The following TMEM132D variants were observed in gnomAD, a reference collection of about 807,000 sequenced individuals.
The protein encoded by TMEM132D is mature OL transmembrane protein.
In TMEM132D, 21 loss-of-function variants were observed where a neutral mutation model predicts 62.3. That is an observed-to-expected ratio of 0.34 (90% CI 0.24 to 0.49). The LOEUF (loss-of-function observed/expected upper bound fraction) is 0.49, where lower values mean the gene tolerates loss of function less well. TMEM132D is among the 20% of genes least tolerant of loss of function. The pLI is 0.99. For synonymous variants in TMEM132D, 621 were observed against 575.6 expected, an observed-to-expected ratio of 1.08 and a Z score of -1.13; for missense variants, 1,346 against 1,402.8, an observed-to-expected ratio of 0.96 and a Z score of 0.65.
At chr12:129,460,373 G>A (rs1287804366) in intron 3 of TMEM132D, among the ~76,000 whole-genome samples, 2 of 152,152 alleles carry the variant, frequency 1.3e-5, no homozygotes, top group Non-Finnish European at 2.9e-5. Context: ...ATTTGAAAAA[G>A]CGGATAAGGT....
chr12:129,325,392 C>T (rs1272120369), intron 4 of TMEM132D, among the ~76,000 whole-genome samples: 5 of 152,126 alleles, frequency 3.3e-5, no homozygotes, highest in Non-Finnish European at 7.3e-5. Flanking sequence ...GGATTTTGTG[C>T]GCCATGATCT....
chr12:129,320,130 G>T (rs991358341), intron 4 of TMEM132D, among the ~76,000 whole-genome samples: 5 of 152,134 alleles, frequency 3.3e-5, no homozygotes, highest in African/African-American at 1.2e-4. Context: ...GTTGGCTGGG[G>T]TTAATCAAAA....
At chr12:129,786,940 GAGAAA>G (rs1871262596) in intron 1 of TMEM132D, among the ~76,000 whole-genome samples, 1 of 152,042 alleles carries the variant, frequency 6.6e-6, no homozygotes, top group African/African-American at 2.4e-5. Flanking sequence ...AAAGCATGAA[GAGAAA>G]CAGTGACAGC....
At chr12:129,794,078 T>G (rs1035182892) in intron 1 of TMEM132D, among the ~76,000 whole-genome samples, 17 of 31,792 alleles carry the variant, frequency 5.3e-4, no homozygotes, top group Non-Finnish European at 2.7e-3. Flanking sequence ...GTGTATGGGT[T>G]TTTTTTTTTC....
intron 3 of TMEM132D, among the ~76,000 whole-genome samples, chr12:129,390,197 C>T (rs955550501): frequency 5.9e-5 from 9 of 152,318 alleles, no homozygotes; most frequent in African/African-American, 2.2e-4. Flanking sequence ...TGACCTTGGC[C>T]CACGGGCCAG....
intron 5 of TMEM132D, among the ~76,000 whole-genome samples, chr12:129,093,804 C>A (rs1337561243): frequency 1.3e-5 from 2 of 152,074 alleles, no homozygotes; most frequent in Non-Finnish European, 2.9e-5. Flanking sequence ...GCTACAGTAA[C>A]CAAAACAGCA....
intron 3 of TMEM132D, among the ~76,000 whole-genome samples, chr12:129,421,458 T>C (rs539824742): frequency 6.6e-5 from 10 of 152,342 alleles, no homozygotes; most frequent in East Asian, 1.9e-4. Context: ...TCGCACCCCA[T>C]GGGGGAGCAT....
At chr12:129,778,037 C>G (rs1162005516) in intron 1 of TMEM132D, among the ~76,000 whole-genome samples, 1 of 150,062 alleles carries the variant, frequency 6.7e-6, no homozygotes, top group Non-Finnish European at 1.5e-5. Flanking sequence ...ATCACTTGAA[C>G]CCAGGAGGTC....
At chr12:129,172,922 GA>G (rs1193981504) in intron 5 of TMEM132D, among the ~76,000 whole-genome samples, 1 of 152,152 alleles carries the variant, frequency 6.6e-6, no homozygotes, top group African/African-American at 2.4e-5. Flanking sequence ...CAGGCCCGAG[GA>G]GAGGGAAAAT....
intron 1 of TMEM132D, among the ~76,000 whole-genome samples, chr12:129,726,109 G>A (rs10773698): frequency 0.82 from 124,234 of 152,196 alleles, 51,399 homozygotes; most frequent in Non-Finnish European, 0.9. Flanking sequence ...ACTCATTGCT[G>A]GAAGAATTAA....
At chr12:129,380,809 G>C (rs1431690678) in intron 3 of TMEM132D, among the ~76,000 whole-genome samples, 1 of 152,066 alleles carries the variant, frequency 6.6e-6, no homozygotes, top group Admixed American at 6.6e-5. Context: ...TACGTAAGTG[G>C]AATTATACAG....
intron 4 of TMEM132D, among the ~76,000 whole-genome samples, chr12:129,217,243 C>A (rs1357338707): frequency 6.6e-6 from 1 of 152,162 alleles, no homozygotes; most frequent in African/African-American, 2.4e-5. Context: ...GAGGTCATGT[C>A]CTTTGCAGGG....
intron 1 of TMEM132D, among the ~76,000 whole-genome samples, chr12:129,897,071 C>G (rs189845214): frequency 3.0e-4 from 45 of 152,314 alleles, no homozygotes; most frequent in African/African-American, 1.1e-3. Flanking sequence ...AGCACCTAGC[C>G]TCTGACTGTG....
chr12:129,894,922 A>T (rs1875055063), intron 1 of TMEM132D, among the ~76,000 whole-genome samples: 1 of 152,134 alleles, frequency 6.6e-6, no homozygotes, highest in Admixed American at 6.5e-5. Flanking sequence ...CACATGTTAG[A>T]TTGTCCTCAT....
chr12:129,456,023 A>G (rs1156281356), intron 3 of TMEM132D, among the ~76,000 whole-genome samples: 1 of 152,214 alleles, frequency 6.6e-6, no homozygotes, highest in African/African-American at 2.4e-5. Context: ...GGAGGTGAAT[A>G]GTTTCAGGAG....
chr12:129,224,224 T>C (rs560227498), intron 4 of TMEM132D, among the ~76,000 whole-genome samples: 1 of 152,218 alleles, frequency 6.6e-6, no homozygotes, highest in African/African-American at 2.4e-5. Context: ...TAATATAATT[T>C]ACTTTGTTCA....
chr12:129,595,419 A>G (rs1243166241), intron 2 of TMEM132D, among the ~76,000 whole-genome samples: 1 of 152,212 alleles, frequency 6.6e-6, no homozygotes, highest in East Asian at 1.9e-4. Flanking sequence ...GAATGACCAC[A>G]GGGGGAGAGA....
At chr12:129,617,444 A>T in intron 2 of TMEM132D, among the ~76,000 whole-genome samples, 1 of 152,100 alleles carries the variant, frequency 6.6e-6, no homozygotes, top group Non-Finnish European at 1.5e-5. Context: ...CATTCTGCCC[A>T]CTTTAACAGA....
intron 2 of TMEM132D, among the ~76,000 whole-genome samples, chr12:129,537,054 G>T (rs1165876805): frequency 2.6e-5 from 4 of 151,302 alleles, no homozygotes; most frequent in African/African-American, 9.7e-5. Context: ...CAGCTACTCA[G>T]GAGGCTGAGA....
Sources: gnomAD v4.1 joint callset for allele counts (sites outside exome capture counted in the v4.1 genomes callset) on GRCh38, gnomAD v4.1.1 for gene constraint, MANE v1.5 for transcripts, NCBI Gene and HGNC (gene_info 2026-07-23, HGNC 2026-07-21) for gene names.